The following MACROD2 variants were observed in gnomAD, a reference collection of about 807,000 sequenced individuals.
MACROD2 encodes ADP-ribose glycohydrolase MACROD2.
Under a neutral mutation model 70.4 loss-of-function variants are expected in MACROD2, and 36 were observed. The ratio of observed to expected loss-of-function variants is 0.51; its 90% CI spans 0.39 to 0.68. MACROD2 has a LOEUF of 0.68. Among genes scored for constraint, MACROD2 ranks in the 30% least tolerant of loss-of-function variants. The pLI is 0.00. For missense variants in MACROD2, 496 were observed against 538.4 expected (o/e 0.92, Z 0.78); for synonymous variants, 172 against 178.8 (o/e 0.96, Z 0.30).
chr20:14,672,772 T>A (rs1273767378), intron 4 of MACROD2, among the ~76,000 whole-genome samples: 1 of 152,226 alleles, frequency 6.6e-6, no homozygotes. Context: ...GGACTCCAAA[T>A]GTTCTTGATT....
Position 15,424,464 on chromosome 20 carries a change from T to C in MACROD2, c.541-6941T>C, listed in dbSNP as rs913011253. On this transcript the variant is annotated intron_variant, in intron 6 of 17. Coordinates refer to ENST00000684519, the MANE Select transcript of MACROD2 (RefSeq NM_001351661.2). ...CAAGCACAGTGGCTCATGCCTGGAA[T>C]CCTGGCACTTTGGGAGGCCAAGGCA... Among the ~76,000 whole-genome samples the C allele has an allele frequency of 4.9e-4, 74 of 152,156 alleles. 1 individual carries two copies. The highest frequency in any genetic ancestry group is 1.6e-3 in the African/African-American group (67 of 41,448).
chr20:15,420,480 A>G (rs1220434388), intron 6 of MACROD2, among the ~76,000 whole-genome samples: 1 of 152,176 alleles, frequency 6.6e-6, no homozygotes, highest in Non-Finnish European at 1.5e-5. Flanking sequence ...CCTACAAAGA[A>G]CCTTGGCCTT....
At chr20:15,547,081 C>T (rs947949294) in intron 8 of MACROD2, among the ~76,000 whole-genome samples, 13 of 152,174 alleles carry the variant, frequency 8.5e-5, no homozygotes, top group African/African-American at 3.1e-4. Flanking sequence ...CAATTTCAAA[C>T]CCCAGCAATT....
chr20:14,453,077 T>G (rs2084262302), intron 3 of MACROD2, among the ~76,000 whole-genome samples: 1 of 152,174 alleles, frequency 6.6e-6, no homozygotes, highest in African/African-American at 2.4e-5. Context: ...AAGGGAAATG[T>G]GCTGGAATGT....
intron 3 of MACROD2, among the ~76,000 whole-genome samples, chr20:14,279,284 C>G (rs1380947639): frequency 6.6e-6 from 1 of 152,076 alleles, no homozygotes; most frequent in East Asian, 1.9e-4. Flanking sequence ...CAAAAACAAA[C>G]AAACAAAAAC....
chr20:14,085,219 T>C (rs947044782), intron 2 of MACROD2, among the ~76,000 whole-genome samples: 6 of 151,832 alleles, frequency 4.0e-5, no homozygotes, highest in African/African-American at 1.5e-4. Context: ...TGCTCAAATA[T>C]ATATATATTC....
intron 6 of MACROD2, among the ~76,000 whole-genome samples, chr20:15,387,627 C>T (rs1199457176): frequency 1.3e-5 from 2 of 151,916 alleles, no homozygotes; most frequent in Admixed American, 6.6e-5. Context: ...ACACCAGGTC[C>T]TGGAGTTACA....
intron 8 of MACROD2, among the ~76,000 whole-genome samples, chr20:15,564,042 T>G (rs968395070): frequency 2.6e-5 from 4 of 152,218 alleles, no homozygotes; most frequent in Admixed American, 6.5e-5. Context: ...CCCAGATTTT[T>G]TCCAGATGGT....
At chr20:14,334,748 CTTTA>C (rs984783085) in intron 3 of MACROD2, among the ~76,000 whole-genome samples, 1 of 151,474 alleles carries the variant, frequency 6.6e-6, no homozygotes, top group Non-Finnish European at 1.5e-5. Flanking sequence ...CCATTGTTGA[CTTTA>C]TTTATGGTAG....
At chr20:15,147,527 A>G (rs2076239260) in intron 5 of MACROD2, among the ~76,000 whole-genome samples, 1 of 96,996 alleles carries the variant, frequency 1.0e-5, no homozygotes, top group Non-Finnish European at 2.3e-5. Context: ...GATTCTTTCT[A>G]GCAATCTCTC....
intron 2 of MACROD2, among the ~76,000 whole-genome samples, chr20:14,071,927 G>T (rs2053849303): frequency 6.6e-6 from 1 of 152,078 alleles, no homozygotes; most frequent in East Asian, 1.9e-4. Context: ...TAAAAAATCA[G>T]AATAAGGTCA....
At chr20:15,281,460 G>T (rs1347745030) in intron 6 of MACROD2, among the ~76,000 whole-genome samples, 1 of 152,136 alleles carries the variant, frequency 6.6e-6, no homozygotes, top group African/African-American at 2.4e-5. Flanking sequence ...TACAGGCATT[G>T]GATAAATGCA....
At chr20:15,093,974 G>C (rs770294244) in intron 5 of MACROD2, among the ~76,000 whole-genome samples, 6 of 152,122 alleles carry the variant, frequency 3.9e-5, no homozygotes, top group Admixed American at 6.5e-5. Flanking sequence ...CTTATCACCT[G>C]GGCTTCTTTA....
intron 2 of MACROD2, among the ~76,000 whole-genome samples, chr20:14,006,367 T>A (rs2052820523): frequency 6.6e-6 from 1 of 152,196 alleles, no homozygotes; most frequent in Admixed American, 6.5e-5. Flanking sequence ...ATACCAGTGC[T>A]CCCTATACCT....
intron 5 of MACROD2, among the ~76,000 whole-genome samples, chr20:15,083,380 TA>T (rs2075719884): frequency 2.0e-5 from 3 of 152,186 alleles, no homozygotes; most frequent in South Asian, 4.1e-4. Flanking sequence ...TTTTATTCTT[TA>T]AACAAAGGAC....
At chr20:14,745,062 C>A (rs995999907) in intron 5 of MACROD2, among the ~76,000 whole-genome samples, 7 of 152,084 alleles carry the variant, frequency 4.6e-5, no homozygotes, top group Non-Finnish European at 7.4e-5. Flanking sequence ...CATTAGCTAT[C>A]CTATATTAGA....
intron 3 of MACROD2, among the ~76,000 whole-genome samples, chr20:14,254,344 A>ATG (rs1409526854): frequency 1.3e-5 from 2 of 152,066 alleles, no homozygotes; most frequent in Non-Finnish European, 2.9e-5. Flanking sequence ...ATACACTTGA[A>ATG]TGTATCTACA....
intron 6 of MACROD2, among the ~76,000 whole-genome samples, chr20:15,424,158 A>C (rs1054144922): frequency 1.3e-5 from 2 of 152,200 alleles, no homozygotes; most frequent in Non-Finnish European, 2.9e-5. Context: ...TCACCACGTG[A>C]ATCTTGTGGG....
intron 8 of MACROD2, among the ~76,000 whole-genome samples, chr20:15,846,911 T>TATATATATATA (rs1491315029): frequency 7.2e-6 from 1 of 138,102 alleles, no homozygotes; most frequent in African/African-American, 2.7e-5. Context: ...AAAAAAAAAA[T>TATATATATATA]TATATATATA....
Sources: allele counts gnomAD v4.1 joint callset (sites outside exome capture counted in the v4.1 genomes callset), GRCh38; gene constraint gnomAD v4.1.1; transcripts MANE v1.5; gene names NCBI Gene and HGNC (gene_info 2026-07-23, HGNC 2026-07-21).